TMEM44: variants seen among roughly 807,000 people sequenced by gnomAD.
The protein encoded by TMEM44 is transmembrane protein 44.
A neutral mutation model predicts 47.8 loss-of-function variants in TMEM44; 43 were observed. The ratio of observed to expected loss-of-function variants is 0.90; its 90% CI spans 0.70 to 1.16. The LOEUF (loss-of-function observed/expected upper bound fraction) is 1.16, where lower values mean the gene tolerates loss of function less well. TMEM44 is among the 50% of genes most tolerant of loss of function. The probability of loss-of-function intolerance (pLI) is 0.00; values close to 1 mark genes in which losing one functional copy is unlikely to be tolerated. For missense variants in TMEM44, 568 were observed against 555.2 expected, an observed-to-expected ratio of 1.02 and a Z score of -0.23; for synonymous variants, 277 against 238.8, an observed-to-expected ratio of 1.16 and a Z score of -1.48.
At chr3:194,599,389 G>A (rs149853371) in intron 9 of TMEM44, among the ~76,000 whole-genome samples, 1 of 152,226 alleles carries the variant, frequency 6.6e-6, no homozygotes, top group African/African-American at 2.4e-5. Context: ...CAAAGACACC[G>A]CCTCGCCCAC....
intron 9 of TMEM44, among the ~76,000 whole-genome samples, chr3:194,600,386 G>A (rs953481302): frequency 1.3e-5 from 2 of 151,670 alleles, no homozygotes. Flanking sequence ...GCCTGTCTCT[G>A]CCTCCTAAAG....
At chr3:194,608,283 A>G (rs1377773815) in intron 8 of TMEM44, among the ~76,000 whole-genome samples, 1 of 152,224 alleles carries the variant, frequency 6.6e-6, no homozygotes, top group South Asian at 2.1e-4. Flanking sequence ...ACAAGGAGCA[A>G]CAACAGCAAA....
chr3:194,625,611 G>T (rs947807338), intron 3 of TMEM44, among the ~76,000 whole-genome samples: 1 of 152,288 alleles, frequency 6.6e-6, no homozygotes, highest in African/African-American at 2.4e-5. Flanking sequence ...TTCCCGAGTA[G>T]CTGGAATTAC....
chr3:194,607,167 A>G (rs1447450234), intron 8 of TMEM44, among the ~76,000 whole-genome samples: 2 of 151,992 alleles, frequency 1.3e-5, no homozygotes, highest in African/African-American at 4.8e-5. Flanking sequence ...TTTGTTCTGC[A>G]AGAACTGCTT....
chr3:194,603,678 G>A (rs911820009), intron 9 of TMEM44, among the ~76,000 whole-genome samples: 1 of 152,072 alleles, frequency 6.6e-6, no homozygotes, highest in South Asian at 2.1e-4. Flanking sequence ...GATTACAGGC[G>A]TGAGCCACCA....
intron 2 of TMEM44, among the ~76,000 whole-genome samples, chr3:194,628,138 T>C (rs1159668297): frequency 6.6e-6 from 1 of 152,216 alleles, no homozygotes; most frequent in African/African-American, 2.4e-5. Flanking sequence ...TGTGAGCCAC[T>C]GCTCCTGGCC....
chr3:194,632,959 T>C, intron 1 of TMEM44, 120 bp downstream of exon 1: 3 of 1,364,330 alleles, frequency 2.2e-6, no homozygotes, highest in Non-Finnish European at 2.0e-6. Context: ...TTGGATCCTA[T>C]TACTGAGCCA....
chr3:194,628,321 G>C, intron 2 of TMEM44, 62 bp downstream of exon 2: 1 of 1,559,368 alleles, frequency 6.4e-7, no homozygotes, highest in Non-Finnish European at 8.7e-7. Flanking sequence ...CTGCAGCAGA[G>C]AGAAAGGCCA....
chr3:194,593,194 G>A lies in TMEM44; in HGVS notation c.1177-4555C>T, dbSNP rs181980729. The A allele has an allele frequency of 4.5e-5, 44 of 988,486 alleles. 1 individual carries two copies. In the East Asian group the frequency reaches 9.2e-4, roughly 21 times the overall value. 61.2% of individuals were successfully genotyped at this position (988,486 alleles called of 1,614,324 possible). ...TGAGCCAGGAGACAGGCCCTTAGAT[G>A]GTTGGGGGCAAAGGAACAGGTGACT... is the stretch of plus-strand genomic sequence containing the variant. On this transcript the variant is annotated intron_variant, in intron 9 of 9. Transcript: ENST00000347147.
intron 9 of TMEM44, among the ~76,000 whole-genome samples, chr3:194,598,389 C>T (rs1713671915): frequency 6.6e-6 from 1 of 151,858 alleles, no homozygotes; most frequent in African/African-American, 2.4e-5. Context: ...TCCTGCACAC[C>T]TTCCCGGGTA....
chr3:194,593,055 G>C (rs768663845), intron 9 of TMEM44: 4 of 1,613,688 alleles, frequency 2.5e-6, no homozygotes, highest in South Asian at 1.1e-5. Flanking sequence ...TCCGAGTTTA[G>C]GGCCTCCCAA....
chr3:194,626,067 C>T, intron 2 of TMEM44, 77 bp from the exon 3 acceptor site: 1 of 1,153,084 alleles, frequency 8.7e-7, no homozygotes, highest in Middle Eastern at 2.0e-4. Flanking sequence ...ATCCGGGACC[C>T]TGTATCACAT....
At chr3:194,625,430 TGGG>T (rs769113958) in intron 3 of TMEM44, among the ~76,000 whole-genome samples, 2 of 62,790 alleles carry the variant, frequency 3.2e-5, no homozygotes, top group African/African-American at 9.5e-5. Context: ...CCTTCTTTTT[TGGG>T]GGGGGGGGGT....
At chr3:194,596,937 G>A (rs1022669094) in intron 9 of TMEM44, 1 of 152,256 alleles carries the variant, frequency 6.6e-6, no homozygotes, top group Non-Finnish European at 1.5e-5. Context: ...AGAAAGTTTG[G>A]AGAGAGAACA....
intron 7 of TMEM44, among the ~76,000 whole-genome samples, chr3:194,612,633 T>C (rs1024600601): frequency 3.5e-5 from 5 of 142,408 alleles, no homozygotes; most frequent in Admixed American, 6.9e-5. Flanking sequence ...AAAAAAAAAA[T>C]TGAAATCTTA....
At chr3:194,600,145 G>A (rs796451866) in intron 9 of TMEM44, among the ~76,000 whole-genome samples, 1 of 152,070 alleles carries the variant, frequency 6.6e-6, no homozygotes, top group African/African-American at 2.4e-5. Context: ...AGGCTGGAGT[G>A]CAGTGGCACA....
intron 8 of TMEM44, among the ~76,000 whole-genome samples, chr3:194,609,657 A>G (rs548258688): frequency 2.4e-4 from 36 of 151,768 alleles, no homozygotes; most frequent in African/African-American, 8.5e-4. Context: ...GAACTCAGGG[A>G]GTCACCCGGA....
chr3:194,623,408 A>AG, intron 4 of TMEM44, 98 bp from the exon 5 acceptor site: 1 of 1,507,128 alleles, frequency 6.6e-7, no homozygotes, highest in Non-Finnish European at 8.9e-7. Context: ...TTCTGCTTTT[A>AG]GAGGGTTCTT....
chr3:194,615,846 C>T (rs2108589769), intron 6 of TMEM44, 149 bp from the exon 7 acceptor site: 2 of 1,087,984 alleles, frequency 1.8e-6, no homozygotes, highest in East Asian at 2.5e-5. Flanking sequence ...GAGAGGAGCT[C>T]ATCTGAAGAC....
Sources: allele counts gnomAD v4.1 joint callset (sites outside exome capture counted in the v4.1 genomes callset), GRCh38; gene constraint gnomAD v4.1.1; transcripts MANE v1.5; gene names NCBI Gene and HGNC (gene_info 2026-07-23, HGNC 2026-07-21).